LINGO2: variants seen among roughly 807,000 people sequenced by gnomAD.
The protein encoded by LINGO2 is leucine rich repeat and Ig domain containing 2.
A neutral mutation model predicts 30.6 loss-of-function variants in LINGO2; 14 were observed. That is an observed-to-expected ratio of 0.46 (90% CI 0.30 to 0.72). The LOEUF is 0.72. LINGO2 is among the 30% of genes least tolerant of loss of function. The pLI is 0.07. For missense variants in LINGO2, 729 were observed against 751.7 expected (o/e 0.97, Z 0.35); for synonymous variants, 317 against 288.5 (o/e 1.10, Z -1.00).
chr9:28,043,152 AGT>A (rs1824268684), intron 4 of LINGO2, among the ~76,000 whole-genome samples: 1 of 152,218 alleles, frequency 6.6e-6, no homozygotes, highest in South Asian at 2.1e-4. Flanking sequence ...AGAAGATGTC[AGT>A]GTGTGCCTCC....
chr9:29,196,387 A>G, the LINGO2 span, among the ~76,000 whole-genome samples: 69 of 152,240 alleles, frequency 4.5e-4, no homozygotes, highest in African/African-American at 1.6e-3. Context: ...AAATGGTATT[A>G]TTAGCTGTTC....
chr9:28,670,571 C>A (rs1828971524), upstream of LINGO2, among the ~76,000 whole-genome samples: 1 of 152,094 alleles, frequency 6.6e-6, no homozygotes, highest in African/African-American at 2.4e-5. Context: ...ATTATAAAAA[C>A]CAAATAATTT....
chr9:28,584,816 T>C (rs1174666487), intron 1 of LINGO2, among the ~76,000 whole-genome samples: 6 of 152,044 alleles, frequency 3.9e-5, no homozygotes, highest in Non-Finnish European at 8.8e-5. Context: ...TGTCACTAAG[T>C]TTAACATATT....
At chr9:28,893,923 C>A in the LINGO2 span, among the ~76,000 whole-genome samples, 1 of 151,450 alleles carries the variant, frequency 6.6e-6, no homozygotes, top group African/African-American at 2.4e-5. Flanking sequence ...CACAACAGTC[C>A]CCAGAGTGTG....
chr9:28,769,510 ATATATATATTTTTTTTTTTTTT>A, the LINGO2 span, among the ~76,000 whole-genome samples: 6 of 2,402 alleles, frequency 2.5e-3, 1 homozygote, highest in African/African-American at 3.2e-3. Flanking sequence ...ATATATATAT[ATATATATATTTTTTTTTTTTTT>A]TTTTTTTTTT....
chr9:29,098,934 G>A, the LINGO2 span, among the ~76,000 whole-genome samples: 2 of 152,088 alleles, frequency 1.3e-5, no homozygotes, highest in African/African-American at 4.8e-5. Flanking sequence ...GCTATCCTGA[G>A]CAAAAAGAAC....
chr9:29,181,575 A>G, the LINGO2 span, among the ~76,000 whole-genome samples: 1 of 152,342 alleles, frequency 6.6e-6, no homozygotes, highest in African/African-American at 2.4e-5. Context: ...AGTTGAAAGG[A>G]TTCTTTGAGT....
At position 28,552,831 on chromosome 9, in the gene LINGO2, C is replaced by T. The variant is rs145239402; in HGVS notation, c.-364-76806G>A. Reference sequence around the variant, plus strand: ...ATTCTGGAACAGCTTTTCAACTTTACCCCCTAAAACTTTCATTGTATTTTT... The same window carrying T: ...ATTCTGGAACAGCTTTTCAACTTTATCCCCTAAAACTTTCATTGTATTTTT... On this transcript the variant is annotated intron_variant, in intron 1 of 5. Coordinates refer to ENST00000379992, the Ensembl canonical transcript of LINGO2. Among the ~76,000 whole-genome samples, 878 of 150,160 alleles carry T rather than the reference C, an allele frequency of 5.8e-3. 2 individuals are homozygous for T. The highest frequency in any genetic ancestry group is 0.012 in the Admixed American group (186 of 15,056).
the LINGO2 span, among the ~76,000 whole-genome samples, chr9:28,711,648 G>C: frequency 6.6e-6 from 1 of 152,150 alleles, no homozygotes; most frequent in African/African-American, 2.4e-5. Context: ...GAGTGAGTTA[G>C]TAGAGCAGTT....
At chr9:28,611,760 C>G (rs1825923682) in intron 1 of LINGO2, among the ~76,000 whole-genome samples, 2 of 151,716 alleles carry the variant, frequency 1.3e-5, no homozygotes, top group Non-Finnish European at 2.9e-5. Context: ...GTGTGTGTGT[C>G]TGTGTCTGCA....
intron 1 of LINGO2, among the ~76,000 whole-genome samples, chr9:28,488,166 G>A (rs1440507295): frequency 2.6e-5 from 4 of 152,120 alleles, no homozygotes; most frequent in Non-Finnish European, 5.9e-5. Flanking sequence ...AGGAGTCATA[G>A]GATAAGAATT....
chr9:29,188,251 TTAAC>T, the LINGO2 span, among the ~76,000 whole-genome samples: 1 of 151,662 alleles, frequency 6.6e-6, no homozygotes, highest in African/African-American at 2.4e-5. Flanking sequence ...AAGCATCTGT[TTAAC>T]AAAGCACATC....
chr9:28,223,789 A>C (rs1821048482), intron 4 of LINGO2, among the ~76,000 whole-genome samples: 1 of 152,186 alleles, frequency 6.6e-6, no homozygotes, highest in African/African-American at 2.4e-5. Context: ...ATAAAGAGAG[A>C]AAAAAGACAA....
the LINGO2 span, among the ~76,000 whole-genome samples, chr9:28,807,085 C>T: frequency 3.0e-4 from 46 of 151,690 alleles, no homozygotes; most frequent in African/African-American, 1.1e-3. Flanking sequence ...AGTGCAGTGG[C>T]GCAATTTCAG....
intron 4 of LINGO2, among the ~76,000 whole-genome samples, chr9:28,174,120 T>C (rs1828677946): frequency 1.3e-5 from 2 of 152,220 alleles, no homozygotes; most frequent in Non-Finnish European, 2.9e-5. Flanking sequence ...GCATACACCA[T>C]ATTTCTGTTA....
the LINGO2 span, among the ~76,000 whole-genome samples, chr9:29,077,617 T>C: frequency 6.6e-6 from 1 of 152,046 alleles, no homozygotes; most frequent in Non-Finnish European, 1.5e-5. Context: ...ATTTTAGTTA[T>C]GTTTTAACAA....
intron 1 of LINGO2, among the ~76,000 whole-genome samples, chr9:28,565,145 A>G (rs1361213345): frequency 6.6e-6 from 1 of 152,122 alleles, no homozygotes; most frequent in East Asian, 1.9e-4. Context: ...TTTGAGTTTA[A>G]TTTATAATAT....
chr9:27,972,333 G>A (rs1359602679), intron 5 of LINGO2, among the ~76,000 whole-genome samples: 4 of 151,492 alleles, frequency 2.6e-5, no homozygotes, highest in Admixed American at 1.3e-4. Context: ...AGATAAAATT[G>A]TCTGAGGAGA....
the LINGO2 span, among the ~76,000 whole-genome samples, chr9:29,029,541 T>C: frequency 6.6e-6 from 1 of 152,134 alleles, no homozygotes; most frequent in Non-Finnish European, 1.5e-5. Flanking sequence ...ATTATTTGAT[T>C]AGTCATACTT....
Sources: allele counts gnomAD v4.1 joint callset (sites outside exome capture counted in the v4.1 genomes callset), GRCh38; gene constraint gnomAD v4.1.1; transcripts MANE v1.5; gene names NCBI Gene and HGNC (gene_info 2026-07-23, HGNC 2026-07-21).